The following TAFA4 variants were observed in gnomAD, a reference collection of about 807,000 sequenced individuals.
TAFA4 encodes TAFA chemokine like family member 4, also known as chemokine-like protein TAFA-4.
A neutral mutation model predicts 21.1 loss-of-function variants in TAFA4; 20 were observed. The ratio of observed to expected loss-of-function variants is 0.95; its 90% CI spans 0.67 to 1.38. The LOEUF (loss-of-function observed/expected upper bound fraction) is 1.38. Among genes scored for constraint, TAFA4 ranks in the 40% most tolerant of loss-of-function variants. The pLI is 0.00. For missense variants in TAFA4, 211 were observed against 180.9 expected (o/e 1.17, Z -0.95); for synonymous variants, 71 against 67.4 (o/e 1.05, Z -0.26).
rs754629747 is a variant in TAFA4 at position 68,733,147 on chromosome 3, G to A, written c.418C>T (p.Arg140Trp). The stretch of plus-strand genomic sequence containing the variant: ...GAAGCACACCTCTCTCTTCGCTACC[G>A]CGTTACCTAAAACAAATCAAAATAA... ...GNKVKTTKVT[R>W] The change falls in exon 6 of 6, where the codon CGG (arginine) becomes TGG (tryptophan). Residue 140 changes from arginine to tryptophan, a missense_variant. Arg to Trp is a moderately radical substitution (Grantham distance 101, BLOSUM62 -3). Transcript: ENST00000295569. 29 of 1,612,398 alleles carry A rather than the reference G, an allele frequency of 1.8e-5. No individual in the cohort carries two copies. The highest frequency in any genetic ancestry group is 2.3e-5 in the Non-Finnish European group (27 of 1,179,216).
intron 3 of TAFA4, among the ~76,000 whole-genome samples, chr3:68,822,782 T>C (rs1317251438): frequency 5.9e-5 from 9 of 152,194 alleles, no homozygotes; most frequent in Non-Finnish European, 1.3e-4. Flanking sequence ...GCTAAAATTC[T>C]TATCATGCCA....
intron 3 of TAFA4, among the ~76,000 whole-genome samples, chr3:68,798,800 C>G (rs537286716): frequency 1.3e-5 from 2 of 151,920 alleles, no homozygotes; most frequent in South Asian, 2.1e-4. Flanking sequence ...CAAGATAAAA[C>G]CATCAACTAA....
intron 3 of TAFA4, among the ~76,000 whole-genome samples, chr3:68,799,703 C>T (rs1180557244): frequency 1.3e-5 from 2 of 152,032 alleles, no homozygotes; most frequent in South Asian, 2.1e-4. Context: ...TGAGAGGCCA[C>T]GTGCTAAGGA....
At chr3:68,849,940 C>T (rs1342268869) in intron 3 of TAFA4, among the ~76,000 whole-genome samples, 1 of 152,118 alleles carries the variant, frequency 6.6e-6, no homozygotes, top group Non-Finnish European at 1.5e-5. Flanking sequence ...GTATAATTGA[C>T]AGTAAAACTG....
intron 4 of TAFA4, among the ~76,000 whole-genome samples, chr3:68,741,089 ACT>A: frequency 6.6e-6 from 1 of 151,940 alleles, no homozygotes; most frequent in African/African-American, 2.4e-5. Flanking sequence ...TGTGCCTCCA[ACT>A]CTGTTCTTCT....
intron 3 of TAFA4, among the ~76,000 whole-genome samples, chr3:68,878,173 G>A (rs947799008): frequency 1.3e-5 from 2 of 152,254 alleles, no homozygotes; most frequent in African/African-American, 4.8e-5. Flanking sequence ...AGCATTTTGT[G>A]GAATTGAAAT....
At chr3:68,790,692 G>C (rs1703345442) in intron 3 of TAFA4, among the ~76,000 whole-genome samples, 1 of 152,138 alleles carries the variant, frequency 6.6e-6, no homozygotes, top group Non-Finnish European at 1.5e-5. Context: ...ATCCCAACCA[G>C]GGAACAAAGT....
At chr3:68,734,741 C>T (rs1343016665) in intron 5 of TAFA4, among the ~76,000 whole-genome samples, 2 of 152,006 alleles carry the variant, frequency 1.3e-5, no homozygotes, top group African/African-American at 2.4e-5. Context: ...TACCTGCCCC[C>T]GTCAAAGAGT....
At chr3:68,895,781 G>GA in intron 1 of TAFA4, among the ~76,000 whole-genome samples, 1 of 152,302 alleles carries the variant, frequency 6.6e-6, no homozygotes, top group East Asian at 1.9e-4. Context: ...CAGTGTCCTG[G>GA]AGCTTGCATT....
chr3:68,885,222 G>C lies in TAFA4; in HGVS notation c.-34C>G, dbSNP rs772345813. 2.1e-5 allele frequency: 33 copies of C among 1,607,944 alleles called. No individual in the cohort carries two copies. On this transcript the variant is annotated 5_prime_UTR_variant, in exon 2 of 6. Coordinates refer to ENST00000295569, the MANE Select transcript of TAFA4 (RefSeq NM_182522.5). ...GTTCTAGTCAAACACACTTATTCCA[G>C]GATATATTTCAGAGTGACTCCAAAT...
intron 1 of TAFA4, among the ~76,000 whole-genome samples, chr3:68,931,388 C>T (rs1161528265): frequency 6.6e-6 from 1 of 151,958 alleles, no homozygotes; most frequent in Non-Finnish European, 1.5e-5. Flanking sequence ...ACTAAGGCTC[C>T]GTGGAGCCCC....
Position 68,910,083 on chromosome 3 carries a change from A to G in TAFA4, c.-123+22157T>C, listed in dbSNP as rs184115589. On this transcript the variant is annotated intron_variant, in intron 1 of 5. Coordinates refer to ENST00000295569, the MANE Select transcript of TAFA4 (RefSeq NM_182522.5). ...CCTTTACCACATGGGCATCCCCAAC[A>G]CACACATTCACTTCTTCAAGCCATC... Among the ~76,000 whole-genome samples the G allele has an allele frequency of 1.4e-3, 218 of 152,348 alleles. 1 individual carries two copies. The highest frequency in any genetic ancestry group is 5.1e-3 in the African/African-American group (211 of 41,588).
intron 3 of TAFA4, among the ~76,000 whole-genome samples, chr3:68,754,238 A>G (rs1702616400): frequency 6.6e-6 from 1 of 152,216 alleles, no homozygotes; most frequent in Admixed American, 6.5e-5. Flanking sequence ...TACAATCTAT[A>G]TTCAAATTTT....
intron 1 of TAFA4, among the ~76,000 whole-genome samples, chr3:68,886,982 C>G (rs2089679116): frequency 6.6e-6 from 1 of 152,210 alleles, no homozygotes; most frequent in South Asian, 2.1e-4. Context: ...TATATTCATT[C>G]CATCTCAATA....
intron 3 of TAFA4, among the ~76,000 whole-genome samples, chr3:68,827,586 C>T (rs1429795717): frequency 2.0e-5 from 3 of 152,244 alleles, no homozygotes; most frequent in African/African-American, 2.4e-5. Flanking sequence ...TTCTAACTGG[C>T]AAGAGATGGT....
At chr3:68,892,853 G>A (rs975322420) in intron 1 of TAFA4, among the ~76,000 whole-genome samples, 5 of 152,178 alleles carry the variant, frequency 3.3e-5, no homozygotes, top group Non-Finnish European at 7.3e-5. Flanking sequence ...TCATTGCTAA[G>A]TAATAATGAA....
At chr3:68,841,371 A>C (rs1313447543) in intron 3 of TAFA4, among the ~76,000 whole-genome samples, 3 of 152,066 alleles carry the variant, frequency 2.0e-5, no homozygotes, top group African/African-American at 7.2e-5. Flanking sequence ...ATTCTCCACA[A>C]AACTTTTAAT....
At chr3:68,855,905 C>T (rs1407800504) in intron 3 of TAFA4, among the ~76,000 whole-genome samples, 4 of 152,188 alleles carry the variant, frequency 2.6e-5, no homozygotes, top group East Asian at 3.9e-4. Flanking sequence ...AGCTCACTGC[C>T]GTGTACCTGT....
At chr3:68,852,969 C>T (rs989374596) in intron 3 of TAFA4, among the ~76,000 whole-genome samples, 1 of 152,056 alleles carries the variant, frequency 6.6e-6, no homozygotes, top group African/African-American at 2.4e-5. Flanking sequence ...TACATGTTTC[C>T]CAATAGTGTT....
Sources: gnomAD v4.1 joint callset for allele counts (sites outside exome capture counted in the v4.1 genomes callset) on GRCh38, gnomAD v4.1.1 for gene constraint, MANE v1.5 for transcripts, NCBI Gene and HGNC (gene_info 2026-07-23, HGNC 2026-07-21) for gene names.